Variants in SYT1 observed in about 807,000 individuals in gnomAD.
SYT1 encodes synaptotagmin-1.
Under a neutral mutation model 44.8 loss-of-function variants are expected in SYT1, and 8 were observed. The observed-to-expected ratio is 0.18, with a 90% confidence interval of 0.10 to 0.32. The LOEUF (loss-of-function observed/expected upper bound fraction) is 0.32, where lower values mean the gene tolerates loss of function less well. Ranked by LOEUF, SYT1 falls within the 10% of genes least tolerant of loss-of-function variation. The pLI, the probability that SYT1 is intolerant of heterozygous loss-of-function variation, is 1.00. For missense variants in SYT1, 286 were observed against 509.3 expected, an observed-to-expected ratio of 0.56 and a Z score of 4.22; for synonymous variants, 154 against 188.8, an observed-to-expected ratio of 0.82 and a Z score of 1.51.
chr12:79,411,394 G>A (rs950046133), intron 9 of SYT1, among the ~76,000 whole-genome samples: 1 of 152,098 alleles, frequency 6.6e-6, no homozygotes, highest in South Asian at 2.1e-4. Flanking sequence ...TTTATTGTAG[G>A]TGGCAATGTG....
At chr12:78,969,967 C>T (rs1042157349) in intron 1 of SYT1, among the ~76,000 whole-genome samples, 3 of 152,014 alleles carry the variant, frequency 2.0e-5, no homozygotes, top group African/African-American at 7.3e-5. Context: ...TGATTATGTA[C>T]TCAAGTATAT....
At chr12:79,169,823 A>G (rs1871409484) in intron 3 of SYT1, among the ~76,000 whole-genome samples, 1 of 151,834 alleles carries the variant, frequency 6.6e-6, no homozygotes, top group African/African-American at 2.4e-5. Flanking sequence ...CCCATTAGTT[A>G]TTTTTCCTGA....
At chr12:79,026,273 C>T (rs757807183) in intron 2 of SYT1, among the ~76,000 whole-genome samples, 1 of 151,446 alleles carries the variant, frequency 6.6e-6, no homozygotes, top group Non-Finnish European at 1.5e-5. Context: ...AAACATGTTC[C>T]AAGTACAGTA....
chr12:79,308,660 A>G (rs1015678754), intron 8 of SYT1, among the ~76,000 whole-genome samples: 1 of 148,092 alleles, frequency 6.8e-6, no homozygotes, highest in African/African-American at 2.6e-5. Context: ...AAGAAAGAAA[A>G]GAGAAGGAAG....
intron 1 of SYT1, among the ~76,000 whole-genome samples, chr12:78,873,938 G>A (rs1331423950): frequency 1.3e-5 from 2 of 151,636 alleles, no homozygotes; most frequent in African/African-American, 2.4e-5. Flanking sequence ...AAGTGTGTTT[G>A]TAGCTAATCT....
At chr12:79,393,128 A>G (rs938151887) in intron 9 of SYT1, 1 of 152,170 alleles carries the variant, frequency 6.6e-6, no homozygotes, top group Non-Finnish European at 1.5e-5. Context: ...TGCAAAGGAC[A>G]TGAACTCATC....
chr12:79,042,452 C>G (rs1388719198), intron 2 of SYT1, among the ~76,000 whole-genome samples: 3 of 146,180 alleles, frequency 2.1e-5, no homozygotes, highest in African/African-American at 7.5e-5. Context: ...GTTTGTATTT[C>G]TGTGGGATCG....
At chr12:79,248,060 C>T (rs1300087081) in intron 4 of SYT1, among the ~76,000 whole-genome samples, 1 of 152,172 alleles carries the variant, frequency 6.6e-6, no homozygotes, top group African/African-American at 2.4e-5. Flanking sequence ...CAGAACTAAG[C>T]CCATTTGACC....
chr12:79,072,088 C>T (rs943279216), intron 3 of SYT1, among the ~76,000 whole-genome samples: 1 of 152,062 alleles, frequency 6.6e-6, no homozygotes, highest in African/African-American at 2.4e-5. Context: ...TATATATACA[C>T]AGCTGTCATT....
At chr12:79,378,296 G>A (rs901240518) in intron 9 of SYT1, among the ~76,000 whole-genome samples, 20 of 152,090 alleles carry the variant, frequency 1.3e-4, no homozygotes, top group Admixed American at 1.2e-3. Flanking sequence ...GAAACCTTCC[G>A]AAATATCACA....
At chr12:79,158,972 T>C (rs545830876) in intron 3 of SYT1, among the ~76,000 whole-genome samples, 40 of 152,224 alleles carry the variant, frequency 2.6e-4, no homozygotes, top group Non-Finnish European at 1.5e-5. Context: ...ATGTAGCATG[T>C]CCTGAGGCAA....
intron 8 of SYT1, among the ~76,000 whole-genome samples, chr12:79,341,912 C>A (rs979775304): frequency 1.3e-5 from 2 of 151,948 alleles, no homozygotes; most frequent in African/African-American, 4.8e-5. Context: ...TCGTGATCCA[C>A]CCGCCTCGTC....
chr12:79,424,953 C>CT (rs398040025), intron 9 of SYT1, among the ~76,000 whole-genome samples: 11,128 of 85,252 alleles, frequency 0.13, 706 homozygotes, highest in Non-Finnish European at 0.15. Flanking sequence ...TTTTCTTCTT[C>CT]TTTTTTTTTT....
At chr12:79,232,461 T>C (rs1456815746) in intron 4 of SYT1, among the ~76,000 whole-genome samples, 1 of 152,130 alleles carries the variant, frequency 6.6e-6, no homozygotes, top group African/African-American at 2.4e-5. Flanking sequence ...TTATCCATAG[T>C]TTTTCTTTCT....
chr12:78,906,960 C>T, intron 1 of SYT1, among the ~76,000 whole-genome samples: 1 of 152,008 alleles, frequency 6.6e-6, no homozygotes. Flanking sequence ...TTTAATAATA[C>T]CTACTGCTAT....
At chr12:79,025,831 T>C (rs1429512583) in intron 2 of SYT1, among the ~76,000 whole-genome samples, 1 of 151,616 alleles carries the variant, frequency 6.6e-6, no homozygotes, top group East Asian at 1.9e-4. Context: ...ACATTGTAAC[T>C]GTATAAGTGA....
chr12:79,100,454 TAAG>T (rs1592748941), intron 3 of SYT1, among the ~76,000 whole-genome samples: 1 of 150,604 alleles, frequency 6.6e-6, no homozygotes, highest in Non-Finnish European at 1.5e-5. Context: ...GGAACCAAGG[TAAG>T]GAGGAGAGAG....
chr12:79,079,281 G>A (rs1876869888), intron 3 of SYT1, among the ~76,000 whole-genome samples: 1 of 151,988 alleles, frequency 6.6e-6, no homozygotes, highest in African/African-American at 2.4e-5. Context: ...TTACTTTGAT[G>A]TATAATCCAT....
chr12:78,977,680 C>T (rs67167203), intron 1 of SYT1, 119 bp from the exon 2 acceptor site: 48,507 of 152,160 alleles, frequency 0.32, 7,899 homozygotes, highest in African/African-American at 0.39. Flanking sequence ...ATGTGAATAA[C>T]GAATGGGCTG....
Sources: allele counts gnomAD v4.1 joint callset (sites outside exome capture counted in the v4.1 genomes callset), GRCh38; gene constraint gnomAD v4.1.1; transcripts MANE v1.5; gene names NCBI Gene and HGNC (gene_info 2026-07-23, HGNC 2026-07-21).